Variants in ARL10 observed in about 807,000 individuals in gnomAD.
ARL10 encodes ARF like GTPase 10.
A neutral mutation model predicts 26.1 loss-of-function variants in ARL10; 23 were observed. The ratio of observed to expected loss-of-function variants is 0.88; its 90% CI spans 0.63 to 1.25. The LOEUF (loss-of-function observed/expected upper bound fraction) is 1.25. Among genes scored for constraint, ARL10 ranks in the 50% most tolerant of loss-of-function variants. The probability of loss-of-function intolerance (pLI) is 0.00; values close to 1 mark genes in which losing one functional copy is unlikely to be tolerated. For missense variants in ARL10, 300 were observed against 323.6 expected (o/e 0.93, Z 0.56); for synonymous variants, 138 against 149.1 (o/e 0.93, Z 0.54).
In ARL10 at chr5:176,378,192, A is replaced by G. The variant is rs1393685275; in HGVS notation, c.*6297A>G. On this transcript the variant is annotated 3_prime_UTR_variant, in exon 4 of 4. Coordinates refer to ENST00000310389, the MANE Select transcript of ARL10 (RefSeq NM_173664.6). ...GATAACAATTTTGGTTTTCCACATCAGGTGCATTGCACTGTTAGATGGGTC... is the reference window on the plus strand; with the variant it reads ...GATAACAATTTTGGTTTTCCACATCGGGTGCATTGCACTGTTAGATGGGTC... 2 of 152,260 alleles carry G rather than the reference A, an allele frequency of 1.3e-5. No individual in the cohort carries two copies. Among genetic ancestry groups the G allele is most frequent in the African/African-American group, 4.8e-5 (2 of 41,464 alleles). The allele number at this position is 152,260 out of a possible 1,614,324, so 9.4% of individuals were successfully genotyped here. A position where few individuals can be genotyped will look rare whatever the true frequency, so the allele number is the denominator to read the frequency against.
intron 1 of ARL10, among the ~76,000 whole-genome samples, chr5:176,398,606 G>A (rs753846656): frequency 2.6e-5 from 4 of 151,864 alleles, no homozygotes; most frequent in Non-Finnish European, 2.9e-5. Flanking sequence ...CAGCTACTCC[G>A]GAGGCTGAGG....
At chr5:176,401,901 C>A (rs1178978451), downstream of ARL10, 1 of 389,642 alleles carries the variant, frequency 2.6e-6, no homozygotes, top group Admixed American at 3.0e-5. Flanking sequence ...CCCTCACCGC[C>A]CCTGGCCTGG....
the ARL10 span, among the ~76,000 whole-genome samples, chr5:176,412,650 A>T: frequency 2.7e-4 from 41 of 152,290 alleles, no homozygotes; most frequent in Middle Eastern, 3.4e-3. Flanking sequence ...AGGGAAGGGT[A>T]CTTAATCCCA....
In ARL10 at chr5:176,379,003, A is replaced by T. The variant is rs561720209; in HGVS notation, c.*7108A>T. The T allele has an allele frequency of 1.3e-3, 191 of 152,284 alleles. No homozygotes were observed. The highest frequency in any genetic ancestry group is 4.4e-3 in the African/African-American group (182 of 41,568). 9.4% of individuals were successfully genotyped at this position (152,284 alleles called of 1,614,324 possible). A position where few individuals can be genotyped will look rare whatever the true frequency, so the allele number is the denominator to read the frequency against. The stretch of plus-strand genomic sequence containing the variant: ...ACAGCACGTGGAACTTGCAAAAAAA[A>T]AAGTTCACTCCCTAAAACCAGATCA... On this transcript the variant is annotated 3_prime_UTR_variant, in exon 4 of 4. Transcript: ENST00000310389.
At chr5:176,398,864 A>C (rs1489327407) in intron 1 of ARL10, among the ~76,000 whole-genome samples, 1 of 151,220 alleles carries the variant, frequency 6.6e-6, no homozygotes, top group Non-Finnish European at 1.5e-5. Flanking sequence ...TTTTTTTGAG[A>C]TGGAGTGTCC....
At chr5:176,406,549 G>A (rs1005451673), downstream of ARL10, 2 of 1,277,614 alleles carry the variant, frequency 1.6e-6, no homozygotes, top group African/African-American at 3.1e-5. Flanking sequence ...TAGGGGAAAG[G>A]AGAGAGGATC....
At chr5:176,370,568 G>A (rs1405692958) in intron 3 of ARL10, among the ~76,000 whole-genome samples, 1 of 152,088 alleles carries the variant, frequency 6.6e-6, no homozygotes, top group Non-Finnish European at 1.5e-5. Flanking sequence ...GTCCTTTTCT[G>A]TCCAAGACAG....
At chr5:176,382,885 G>A (rs1294318595), downstream of ARL10, among the ~76,000 whole-genome samples, 2 of 152,212 alleles carry the variant, frequency 1.3e-5, no homozygotes, top group Non-Finnish European at 2.9e-5. Flanking sequence ...GCCTGAATTT[G>A]GAATCCTGTG....
At chr5:176,366,609 C>A in intron 2 of ARL10, 28 bp downstream of exon 2, 1 of 1,610,896 alleles carries the variant, frequency 6.2e-7, no homozygotes, top group Non-Finnish European at 8.5e-7. Context: ...CCCATCTCCC[C>A]GTCTCCTCTA....
intron 1 of ARL10, 96 bp downstream of exon 1, chr5:176,365,842 G>T: frequency 1.7e-6 from 2 of 1,201,210 alleles, no homozygotes; most frequent in Non-Finnish European, 2.1e-6. Context: ...GGCCCTGCTG[G>T]TGCCGGGAGC....
downstream of ARL10, chr5:176,388,744 T>G: frequency 1.3e-6 from 2 of 1,557,924 alleles, no homozygotes; most frequent in Non-Finnish European, 1.7e-6. Context: ...TTTATTCGTT[T>G]CCCCGCCCCT....
At chr5:176,388,928 G>A (rs1236052504), downstream of ARL10, 21 of 1,614,194 alleles carry the variant, frequency 1.3e-5, no homozygotes, top group Non-Finnish European at 1.8e-5. Flanking sequence ...GAGTTTCAAG[G>A]AAAAGTTCGT....
rs1389934801 is a variant in ARL10, at chr5:176,365,617, G to T, written c.54G>T (p.Ala18=). The change falls in exon 1 of 4, where the codon GCG becomes GCT. Residue 18 remains alanine, a synonymous_variant. Transcript: ENST00000310389. Reference sequence around the variant, plus strand: ...TGCTGGCGCTGGGCGGCGCCGCGGCGGTGCTGGGCTCGGTGCTCTTCATCC... The same window carrying T: ...TGCTGGCGCTGGGCGGCGCCGCGGCTGTGCTGGGCTCGGTGCTCTTCATCC... ...PLVLALGGAA[A]VLGSVLFILW... is the part of the protein sequence containing the mutation. 3 of 1,259,260 alleles carry T rather than the reference G, an allele frequency of 2.4e-6. No homozygotes were observed. The highest frequency in any genetic ancestry group is 8.0e-5 in the Admixed American group (2 of 25,006). The allele number at this position is 1,259,260 out of a possible 1,614,324, so 78.0% of individuals were successfully genotyped here. A position where few individuals can be genotyped will look rare whatever the true frequency, so the allele number is the denominator to read the frequency against.
downstream of ARL10, among the ~76,000 whole-genome samples, chr5:176,393,475 A>G (rs1756349325): frequency 6.6e-6 from 1 of 152,238 alleles, no homozygotes; most frequent in African/African-American, 2.4e-5. The surrounding 1 kb of genome is among the most constrained non-coding windows in gnomAD (Gnocchi z 4.4). Flanking sequence ...ACTGTGGTCA[A>G]ATACCTATGG....
At chr5:176,407,319 T>G in the ARL10 span, among the ~76,000 whole-genome samples, 1 of 152,184 alleles carries the variant, frequency 6.6e-6, no homozygotes, top group Admixed American at 6.5e-5. Flanking sequence ...GGTACTTTCT[T>G]TTTTGAGACA....
In ARL10 at chr5:176,375,094, A is replaced by ATCCC. The variant is rs1561775648; in HGVS notation, c.*3202_*3203insCTCC. 6.7e-6 allele frequency: 1 copy of ATCCC among 149,114 alleles called. No individual in the cohort carries two copies. Among genetic ancestry groups the ATCCC allele is most frequent in the Non-Finnish European group, 1.5e-5 (1 of 66,962 alleles). The allele number at this position is 149,114 out of a possible 1,614,324, so 9.2% of individuals were successfully genotyped here. ...GGTGGCCTCATCCATCCATCCATCC[A>ATCCC]TCCATCCATCCATCCCTCCATCCGT... On this transcript the variant is annotated 3_prime_UTR_variant, in exon 4 of 4. Coordinates refer to ENST00000310389, the MANE Select transcript of ARL10 (RefSeq NM_173664.6).
chr5:176,392,638 C>G, downstream of ARL10: 2 of 1,041,404 alleles, frequency 1.9e-6, no homozygotes, highest in South Asian at 1.5e-5. This position sits in a 1 kb window ranked among gnomAD's most constrained non-coding sequence, Gnocchi z 5.2. Context: ...GGGCCCCCCT[C>G]CCAGCGCCTG....
chr5:176,370,802 C>A (rs2113551133), intron 3 of ARL10, among the ~76,000 whole-genome samples: 1 of 152,314 alleles, frequency 6.6e-6, no homozygotes, highest in Non-Finnish European at 1.5e-5. Context: ...ATACCATCAC[C>A]AGTCATGCTG....
At chr5:176,411,229 G>T in the ARL10 span, among the ~76,000 whole-genome samples, 2 of 152,220 alleles carry the variant, frequency 1.3e-5, no homozygotes, top group African/African-American at 2.4e-5. Context: ...CCATTCACAG[G>T]CCCCCTTGAC....
Sources: allele counts gnomAD v4.1 joint callset (sites outside exome capture counted in the v4.1 genomes callset), GRCh38; gene constraint gnomAD v4.1.1; non-coding constraint Gnocchi (gnomAD v3.1); transcripts MANE v1.5; gene names NCBI Gene and HGNC (gene_info 2026-07-23, HGNC 2026-07-21).